Variants in PRKG1 observed in about 807,000 individuals in gnomAD.
PRKG1 encodes protein kinase cGMP-dependent 1, also known as cGMP-dependent protein kinase 1.
A neutral mutation model predicts 88.1 loss-of-function variants in PRKG1; 35 were observed. The ratio of observed to expected loss-of-function variants is 0.40; its 90% confidence interval spans 0.30 to 0.53. PRKG1 has a LOEUF of 0.53. PRKG1 is among the 20% of genes least tolerant of loss of function. The pLI is 0.59. For synonymous variants in PRKG1, 303 were observed against 292.5 expected (o/e 1.04, Z -0.37); for missense variants, 540 against 839.8 (o/e 0.64, Z 4.41).
At chr10:52,148,379 A>G (rs1837790001) in intron 8 of PRKG1, among the ~76,000 whole-genome samples, 1 of 152,240 alleles carries the variant, frequency 6.6e-6, no homozygotes, top group South Asian at 2.1e-4. Flanking sequence ...CCGTGCTGTA[A>G]GTATTCTATA....
At chr10:51,701,571 A>G (rs1435609916) in intron 3 of PRKG1, among the ~76,000 whole-genome samples, 1 of 152,214 alleles carries the variant, frequency 6.6e-6, no homozygotes, top group African/African-American at 2.4e-5. Flanking sequence ...ATTGGGGACG[A>G]AAGGGGAGGG....
chr10:51,127,761 T>C (rs1387096615), intron 1 of PRKG1, among the ~76,000 whole-genome samples: 2 of 152,148 alleles, frequency 1.3e-5, no homozygotes, highest in Admixed American at 1.3e-4. Context: ...ATATACACCA[T>C]AGAATGCTAT....
At chr10:51,320,940 A>G (rs1198981831) in intron 2 of PRKG1, among the ~76,000 whole-genome samples, 1 of 152,194 alleles carries the variant, frequency 6.6e-6, no homozygotes, top group Non-Finnish European at 1.5e-5. Context: ...ATTCAGTAAC[A>G]GAAGAAAACA....
intron 2 of PRKG1, among the ~76,000 whole-genome samples, chr10:51,302,254 T>C (rs1488878028): frequency 6.6e-6 from 1 of 152,226 alleles, no homozygotes; most frequent in African/African-American, 2.4e-5. Flanking sequence ...GTTTAAAAAC[T>C]TTTATTCAAA....
chr10:51,593,368 G>C (rs922191869), intron 3 of PRKG1, among the ~76,000 whole-genome samples: 2 of 152,096 alleles, frequency 1.3e-5, no homozygotes, highest in African/African-American at 4.8e-5. Context: ...CTGATTGTTG[G>C]TTATTAAATA....
chr10:51,074,259 C>G (rs1843886439), upstream of PRKG1: 1 of 268,950 alleles, frequency 3.7e-6, no homozygotes, highest in Non-Finnish European at 7.0e-6. Flanking sequence ...GTCCCCTCCT[C>G]CCGCTCCCCC....
chr10:51,405,727 C>A (rs1034090443), intron 2 of PRKG1, among the ~76,000 whole-genome samples: 19 of 152,230 alleles, frequency 1.2e-4, no homozygotes, highest in Non-Finnish European at 2.5e-4. Flanking sequence ...CATGAGGCAA[C>A]CTTGCTCCCA....
At chr10:51,735,356 GA>G (rs1174933890) in intron 3 of PRKG1, among the ~76,000 whole-genome samples, 14 of 152,074 alleles carry the variant, frequency 9.2e-5, no homozygotes, top group African/African-American at 3.4e-4. Flanking sequence ...AATGCATTAG[GA>G]TTTATTAACA....
chr10:51,126,964 A>G (rs1845442188), intron 1 of PRKG1, among the ~76,000 whole-genome samples: 1 of 152,180 alleles, frequency 6.6e-6, no homozygotes. Flanking sequence ...AATTAACTCA[A>G]GATTGATTAA....
At chr10:51,627,921 C>T (rs1280967459) in intron 3 of PRKG1, among the ~76,000 whole-genome samples, 53 of 44,792 alleles carry the variant, frequency 1.2e-3, no homozygotes, top group Admixed American at 2.8e-3. Context: ...CCCTTCCTTC[C>T]CTTCCTTTCT....
chr10:51,920,263 G>T (rs1188537368), intron 5 of PRKG1, among the ~76,000 whole-genome samples: 1 of 152,172 alleles, frequency 6.6e-6, no homozygotes, highest in East Asian at 1.9e-4. Flanking sequence ...ATCCCAGGGA[G>T]ATATAACAAA....
At chr10:51,869,914 A>G (rs1195706488) in intron 4 of PRKG1, among the ~76,000 whole-genome samples, 1 of 152,210 alleles carries the variant, frequency 6.6e-6, no homozygotes. Flanking sequence ...ATGTATTTAG[A>G]AGCATTTTCA....
At chr10:52,051,460 C>T (rs1425704224) in intron 5 of PRKG1, among the ~76,000 whole-genome samples, 3 of 152,158 alleles carry the variant, frequency 2.0e-5, no homozygotes, top group African/African-American at 7.2e-5. Context: ...TGTGCTCTCA[C>T]ACGTATAGCC....
At chr10:52,091,277 T>TAGAATCTGTCTTTCTTCCCTTCTTC (rs1847050567) in intron 7 of PRKG1, among the ~76,000 whole-genome samples, 1 of 152,228 alleles carries the variant, frequency 6.6e-6, no homozygotes, top group African/African-American at 2.4e-5. Context: ...TTCCCTTGTT[T>TAGAATCTGTCTTTCTTCCCTTCTTC]AGAATCTGTC....
intron 5 of PRKG1, among the ~76,000 whole-genome samples, chr10:52,006,513 G>T (rs1177547768): frequency 6.6e-6 from 1 of 152,122 alleles, no homozygotes; most frequent in African/African-American, 2.4e-5. Flanking sequence ...AATAGACCAG[G>T]CTGAGGAAAA....
intron 3 of PRKG1, among the ~76,000 whole-genome samples, chr10:51,649,945 C>G (rs779089809): frequency 6.6e-6 from 1 of 152,128 alleles, no homozygotes; most frequent in Non-Finnish European, 1.5e-5. Context: ...AACATTAAAC[C>G]AAGTATATGG....
chr10:51,487,902 C>T (rs771754988), intron 3 of PRKG1, among the ~76,000 whole-genome samples: 17 of 151,958 alleles, frequency 1.1e-4, no homozygotes, highest in South Asian at 4.1e-4. Context: ...GAGATGATGA[C>T]GAAGAAACAA....
intron 1 of PRKG1, among the ~76,000 whole-genome samples, chr10:51,088,043 G>A (rs1002149969): frequency 1.2e-4 from 18 of 152,142 alleles, no homozygotes; most frequent in Non-Finnish European, 2.5e-4. Flanking sequence ...AGGATTACAG[G>A]GGTGAGCCAC....
At chr10:51,337,091 C>A (rs952768230) in intron 2 of PRKG1, among the ~76,000 whole-genome samples, 1 of 152,104 alleles carries the variant, frequency 6.6e-6, no homozygotes. Context: ...GAACAGAGAA[C>A]TTAGGAATAA....
Sources: allele counts gnomAD v4.1 joint callset (sites outside exome capture counted in the v4.1 genomes callset), GRCh38; gene constraint gnomAD v4.1.1; transcripts MANE v1.5; gene names NCBI Gene and HGNC (gene_info 2026-07-23, HGNC 2026-07-21).